Variants in GABRR3 observed in about 807,000 individuals in gnomAD.
GABRR3 encodes the protein gamma-aminobutyric acid receptor subunit rho-3.
A neutral mutation model predicts 43.2 loss-of-function variants in GABRR3; 29 were observed. That is an observed-to-expected ratio of 0.67 (90% CI 0.50 to 0.92). GABRR3 has a LOEUF of 0.92. Among genes scored for constraint, GABRR3 ranks in the 40% least tolerant of loss-of-function variants. The probability of loss-of-function intolerance (pLI) is 0.00; values close to 1 mark genes in which losing one functional copy is unlikely to be tolerated. For synonymous variants in GABRR3, 206 were observed against 195.9 expected (o/e 1.05, Z -0.43); for missense variants, 576 against 572.3 (o/e 1.01, Z -0.07).
At chr3:97,995,849 A>G (rs1706547090) in intron 8 of GABRR3, among the ~76,000 whole-genome samples, 1 of 152,224 alleles carries the variant, frequency 6.6e-6, no homozygotes, top group Non-Finnish European at 1.5e-5. Flanking sequence ...TATATGAAGC[A>G]ACCATTTAGT....
At chr3:98,018,125 A>T (rs1706896451) in intron 3 of GABRR3, among the ~76,000 whole-genome samples, 1 of 152,096 alleles carries the variant, frequency 6.6e-6, no homozygotes, top group African/African-American at 2.4e-5. Context: ...CAAATATGGT[A>T]ATGGTCATAT....
chr3:97,986,437 G>A (rs78255245), downstream of GABRR3, among the ~76,000 whole-genome samples: 722 of 152,314 alleles, frequency 4.7e-3, 5 homozygotes, highest in African/African-American at 0.016. Flanking sequence ...TAGTTATAAA[G>A]CCCTTCCCAA....
intron 2 of GABRR3, among the ~76,000 whole-genome samples, chr3:98,030,137 A>T (rs1198301678): frequency 7.3e-5 from 11 of 151,540 alleles, no homozygotes; most frequent in Admixed American, 7.2e-4. Flanking sequence ...AAAGGATATG[A>T]TTAAATCCTT....
intron 3 of GABRR3, among the ~76,000 whole-genome samples, chr3:98,017,969 T>A (rs1706892867): frequency 6.6e-6 from 1 of 151,904 alleles, no homozygotes; most frequent in African/African-American, 2.4e-5. Flanking sequence ...GCCAATAATT[T>A]CCTCCTCTAG....
At chr3:98,031,274 G>A (rs1351545150) in intron 2 of GABRR3, among the ~76,000 whole-genome samples, 1 of 152,140 alleles carries the variant, frequency 6.6e-6, no homozygotes, top group African/African-American at 2.4e-5. Context: ...GGAGGCCTCA[G>A]TTTCCTCATC....
intron 3 of GABRR3, among the ~76,000 whole-genome samples, chr3:98,024,849 A>C (rs1335794881): frequency 2.0e-5 from 3 of 152,226 alleles, no homozygotes; most frequent in African/African-American, 7.2e-5. Context: ...CAGTGATGCA[A>C]CTGTGTGTAC....
chr3:98,006,334 A>C (rs1393167680), intron 7 of GABRR3, among the ~76,000 whole-genome samples: 1 of 152,228 alleles, frequency 6.6e-6, no homozygotes, highest in Admixed American at 6.5e-5. Flanking sequence ...TTACATAATC[A>C]GAAAAGGCAA....
intron 2 of GABRR3, among the ~76,000 whole-genome samples, chr3:98,026,648 T>TCATCATCATCATCATCATCAG (rs1707022797): frequency 6.6e-6 from 1 of 151,974 alleles, no homozygotes; most frequent in African/African-American, 2.4e-5. Context: ...ATCATCATCA[T>TCATCATCATCATCATCATCAG]CGTGGGCAGC....
chr3:97,989,535 G>T (rs1282059198), intron 9 of GABRR3, among the ~76,000 whole-genome samples: 2 of 151,834 alleles, frequency 1.3e-5, no homozygotes, highest in African/African-American at 4.8e-5. Flanking sequence ...AGTAGTAATG[G>T]TGGTAGGGGG....
At chr3:97,987,287 G>A (rs1706400259) in intron 9 of GABRR3, among the ~76,000 whole-genome samples, 1 of 152,082 alleles carries the variant, frequency 6.6e-6, no homozygotes, top group Non-Finnish European at 1.5e-5. Flanking sequence ...TCCCATTTTT[G>A]CTTCAGAGCA....
chr3:97,998,005 T>C (rs991734194), intron 8 of GABRR3: 1 of 152,072 alleles, frequency 6.6e-6, no homozygotes, highest in Non-Finnish European at 1.5e-5. Flanking sequence ...ATATCTCCAC[T>C]ACTAGAAATG....
At chr3:98,023,152 T>C (rs1282010401) in intron 3 of GABRR3, among the ~76,000 whole-genome samples, 1 of 152,194 alleles carries the variant, frequency 6.6e-6, no homozygotes, top group Non-Finnish European at 1.5e-5. Flanking sequence ...GGCTGGTCCA[T>C]GGACCACTTT....
At chr3:97,994,623 T>C (rs1007855107) in intron 8 of GABRR3, among the ~76,000 whole-genome samples, 1 of 152,226 alleles carries the variant, frequency 6.6e-6, no homozygotes, top group Non-Finnish European at 1.5e-5. Flanking sequence ...TTATTAAGCA[T>C]GGAATTTTTA....
At chr3:97,998,766 AT>A (rs1232438122) in intron 8 of GABRR3, 1 of 152,172 alleles carries the variant, frequency 6.6e-6, no homozygotes, top group African/African-American at 2.4e-5. Flanking sequence ...ATTTGCAAAA[AT>A]GTTTAAAAAT....
chr3:98,012,481 A>T (rs1306783591), exon 5 of GABRR3: 2 of 1,614,026 alleles, frequency 1.2e-6, no homozygotes, highest in South Asian at 2.2e-5. Context: ...ATCTATGATC[A>T]AATGTCATGC....
At chr3:98,033,533 T>C (rs917695425) in intron 2 of GABRR3, among the ~76,000 whole-genome samples, 3 of 152,178 alleles carry the variant, frequency 2.0e-5, no homozygotes, top group African/African-American at 7.2e-5. Context: ...AGTGGGTTGG[T>C]GTGATGAATT....
intron 8 of GABRR3, among the ~76,000 whole-genome samples, chr3:97,994,464 C>G (rs941586853): frequency 6.6e-6 from 1 of 152,228 alleles, no homozygotes; most frequent in African/African-American, 2.4e-5. Context: ...ACATTGAACA[C>G]AGACCACTGT....
chr3:98,003,586 C>G (rs963931703), intron 7 of GABRR3, among the ~76,000 whole-genome samples: 1 of 151,722 alleles, frequency 6.6e-6, no homozygotes. Flanking sequence ...CGTTGTGAAG[C>G]CTTCATTTTG....
At chr3:98,007,304 G>A (rs1216447116) in intron 7 of GABRR3, among the ~76,000 whole-genome samples, 1 of 152,070 alleles carries the variant, frequency 6.6e-6, no homozygotes, top group Non-Finnish European at 1.5e-5. Flanking sequence ...ACAAGGCCAA[G>A]CAGAGGCCCT....
Sources: gnomAD v4.1 joint callset for allele counts (sites outside exome capture counted in the v4.1 genomes callset) on GRCh38, gnomAD v4.1.1 for gene constraint, MANE v1.5 for transcripts, NCBI Gene and HGNC (gene_info 2026-07-23, HGNC 2026-07-21) for gene names.